IRAG2: variants seen among roughly 807,000 people sequenced by gnomAD.
IRAG2 encodes the protein lymphoid restricted membrane protein.
Under a neutral mutation model 69.9 loss-of-function variants are expected in IRAG2, and 45 were observed. The ratio of observed to expected loss-of-function variants is 0.64; its 90% CI spans 0.51 to 0.83. The LOEUF (loss-of-function observed/expected upper bound fraction) is 0.83, where lower values mean the gene tolerates loss of function less well. Among genes scored for constraint, IRAG2 ranks in the 40% least tolerant of loss-of-function variants. The pLI, the probability that IRAG2 is intolerant of heterozygous loss-of-function variation, is 0.00. For missense variants in IRAG2, 520 were observed against 587.0 expected, an observed-to-expected ratio of 0.89 and a Z score of 1.18; for synonymous variants, 193 against 202.4, an observed-to-expected ratio of 0.95 and a Z score of 0.40.
At chr12:25,079,376 A>C (rs763735899) in intron 7 of IRAG2, 22 bp from the exon 8 acceptor site, 2 of 1,611,500 alleles carry the variant, frequency 1.2e-6, no homozygotes, top group South Asian at 2.2e-5. Context: ...ATTCCAAAAC[A>C]TGTTTGCTAT....
At chr12:25,087,940 CTG>C (rs1947751838) in intron 10 of IRAG2, among the ~76,000 whole-genome samples, 158 bp from the exon 11 acceptor site, 1 of 152,190 alleles carries the variant, frequency 6.6e-6, no homozygotes, top group East Asian at 1.9e-4. Context: ...CGTGGAAAAA[CTG>C]TCTTCCAGGA....
chr12:25,077,330 T>TATATATATGAAATATATATATG (rs1946853247), intron 6 of IRAG2, among the ~76,000 whole-genome samples: 1 of 12,252 alleles, frequency 8.2e-5, no homozygotes, highest in African/African-American at 1.5e-4. Flanking sequence ...ATATATATGA[T>TATATATATGAAATATATATATG]ATATATATGA....
chr12:25,075,363 A>T (rs1946613241), intron 6 of IRAG2, among the ~76,000 whole-genome samples: 1 of 152,172 alleles, frequency 6.6e-6, no homozygotes, highest in Admixed American at 6.6e-5. Flanking sequence ...TTATTAGTAG[A>T]AGGTTTCTGA....
At chr12:24,998,062 T>TGAA in the IRAG2 span, among the ~76,000 whole-genome samples, 1 of 152,224 alleles carries the variant, frequency 6.6e-6, no homozygotes, top group African/African-American at 2.4e-5. Context: ...TGGAGGCACC[T>TGAA]GAATTCTTGA....
At chr12:25,094,327 T>G (rs1299612631) in intron 14 of IRAG2, among the ~76,000 whole-genome samples, 1 of 152,182 alleles carries the variant, frequency 6.6e-6, no homozygotes, top group Admixed American at 6.5e-5. Context: ...CTCAGCAATA[T>G]TTTGTTGAAG....
chr12:25,083,664 T>C (rs1947374800), intron 10 of IRAG2, among the ~76,000 whole-genome samples, 171 bp downstream of exon 10: 1 of 152,236 alleles, frequency 6.6e-6, no homozygotes, highest in South Asian at 2.1e-4. Flanking sequence ...CCAAAGTGTT[T>C]TTGTGACTTG....
chr12:25,099,982 A>G (rs796723486), intron 15 of IRAG2, among the ~76,000 whole-genome samples: 53 of 120,782 alleles, frequency 4.4e-4, no homozygotes, highest in African/African-American at 1.7e-3. Context: ...CCTGGGCAAC[A>G]AGAGTGAGAC....
chr12:25,066,926 A>G lies in IRAG2; in HGVS notation c.-59+414A>G, dbSNP rs549653758. ...CGGCCTCCCAAAGTGCTGGGATTAC[A>G]GGTGTGAGCCACCACGCCCAGCCGA... On this transcript the variant is annotated intron_variant, in intron 5 of 21. Coordinates refer to ENST00000556887, the MANE Select transcript of IRAG2 (RefSeq NM_001366544.2). 9.2e-5 allele frequency among the ~76,000 whole-genome samples: 14 copies of G among 152,286 alleles called. No homozygotes were observed. The South Asian group carries it at 2.9e-3, about 32-fold the overall frequency.
At chr12:25,083,938 A>G (rs148707931) in intron 10 of IRAG2, among the ~76,000 whole-genome samples, 8 of 152,260 alleles carry the variant, frequency 5.3e-5, no homozygotes, top group African/African-American at 1.9e-4. Context: ...AGTGCTTTGA[A>G]AGAAAAAATG....
intron 11 of IRAG2, among the ~76,000 whole-genome samples, chr12:25,089,275 C>T (rs1021482753): frequency 4.6e-5 from 7 of 152,234 alleles, no homozygotes; most frequent in African/African-American, 1.4e-4. Context: ...AAAGAAGAAC[C>T]AGGATACCAG....
intron 16 of IRAG2, among the ~76,000 whole-genome samples, chr12:25,101,776 G>C (rs12309185): frequency 0.13 from 19,492 of 152,182 alleles, 3,407 homozygotes; most frequent in African/African-American, 0.4. Context: ...AGGCCACGGG[G>C]AGTAACATAT....
At chr12:25,040,462 C>T (rs565084013) in intron 16 of IRAG2, among the ~76,000 whole-genome samples, 1 of 151,752 alleles carries the variant, frequency 6.6e-6, no homozygotes, top group South Asian at 2.1e-4. Flanking sequence ...ATAATTGTGC[C>T]AGTGCACTCT....
At chr12:25,080,599 T>G (rs1683164) in intron 9 of IRAG2, among the ~76,000 whole-genome samples, 87,620 of 151,846 alleles carry the variant, frequency 0.58, 25,564 homozygotes, top group Admixed American at 0.67. Context: ...TGATCCACCC[T>G]CCTTGGCCTC....
intron 14 of IRAG2, 79 bp downstream of exon 14, chr12:25,090,276 G>A: frequency 7.4e-7 from 1 of 1,360,000 alleles, no homozygotes; most frequent in Non-Finnish European, 1.0e-6. Context: ...CCTGCACTTT[G>A]GGAGGCCAAG....
intron 1 of IRAG2, among the ~76,000 whole-genome samples, chr12:25,053,564 G>A (rs554426816): frequency 6.6e-6 from 1 of 152,004 alleles, no homozygotes; most frequent in East Asian, 1.9e-4. Flanking sequence ...AGTTACCAGA[G>A]ATTTATGTGA....
At chr12:25,009,621 AG>A (rs1944459319) in intron 2 of IRAG2, among the ~76,000 whole-genome samples, 1 of 152,184 alleles carries the variant, frequency 6.6e-6, no homozygotes, top group Non-Finnish European at 1.5e-5. Context: ...GCGATCATGG[AG>A]GCGGGCAAGT....
intron 12 of IRAG2, among the ~76,000 whole-genome samples, chr12:25,033,026 G>A (rs1398603039): frequency 3.3e-5 from 5 of 150,606 alleles, no homozygotes; most frequent in Non-Finnish European, 7.4e-5. Flanking sequence ...GCGTGATCTC[G>A]GCCCGCTGCA....
upstream of IRAG2, among the ~76,000 whole-genome samples, chr12:25,001,363 T>C (rs1310404013): frequency 6.6e-6 from 1 of 152,058 alleles, no homozygotes; most frequent in African/African-American, 2.4e-5. Context: ...GAGGATTGCT[T>C]GAGCCTGGGG....
At chr12:25,038,973 T>C (rs1049341487) in intron 16 of IRAG2, among the ~76,000 whole-genome samples, 1 of 152,154 alleles carries the variant, frequency 6.6e-6, no homozygotes, top group African/African-American at 2.4e-5. Context: ...AAATATAAAA[T>C]AACTTACCCT....
Sources: gnomAD v4.1 joint callset for allele counts (sites outside exome capture counted in the v4.1 genomes callset) on GRCh38, gnomAD v4.1.1 for gene constraint, MANE v1.5 for transcripts, NCBI Gene and HGNC (gene_info 2026-07-23, HGNC 2026-07-21) for gene names.